Variants in EPB41L2 observed in about 807,000 individuals in gnomAD.
The protein encoded by EPB41L2 is erythrocyte membrane protein band 4.1 like 2.
In EPB41L2, 43 loss-of-function variants were observed where a neutral mutation model predicts 113.0. The ratio of observed to expected loss-of-function variants is 0.38; its 90% CI spans 0.30 to 0.49. The LOEUF (loss-of-function observed/expected upper bound fraction) is 0.49. EPB41L2 is among the 20% of genes least tolerant of loss of function. The pLI, the probability that EPB41L2 is intolerant of heterozygous loss-of-function variation, is 0.95. For synonymous variants in EPB41L2, 442 were observed against 436.7 expected (o/e 1.01, Z -0.15); for missense variants, 1,147 against 1,223.4 (o/e 0.94, Z 0.93).
chr6:130,954,044 T>TTTC (rs1562575303), intron 3 of EPB41L2, among the ~76,000 whole-genome samples: 3 of 19,412 alleles, frequency 1.5e-4, no homozygotes, highest in Non-Finnish European at 9.4e-5. Flanking sequence ...TTCTTTCTTT[T>TTTC]TTTTTTTTTT....
intron 1 of EPB41L2, among the ~76,000 whole-genome samples, 170 bp downstream of exon 1, chr6:131,062,984 GC>G (rs1339245029): frequency 6.6e-6 from 1 of 151,994 alleles, no homozygotes; most frequent in Non-Finnish European, 1.5e-5. Context: ...CCAAAGCCGG[GC>G]CCCCTCTCCC....
At chr6:131,045,370 A>ATATGAATATTT (rs1562792621) in intron 1 of EPB41L2, among the ~76,000 whole-genome samples, 3 of 151,814 alleles carry the variant, frequency 2.0e-5, no homozygotes, top group Non-Finnish European at 2.9e-5. Flanking sequence ...TATTCATTTA[A>ATATGAATATTT]AAATGATGAG....
At chr6:131,048,298 T>C (rs1398790277) in intron 1 of EPB41L2, among the ~76,000 whole-genome samples, 1 of 152,124 alleles carries the variant, frequency 6.6e-6, no homozygotes, top group Non-Finnish European at 1.5e-5. Flanking sequence ...TCAGATTTGG[T>C]TTAGAAATTG....
intron 19 of EPB41L2, among the ~76,000 whole-genome samples, chr6:130,841,789 T>A (rs778685746): frequency 4.6e-5 from 7 of 152,118 alleles, no homozygotes; most frequent in Non-Finnish European, 7.4e-5. Context: ...GGATATAGAT[T>A]TGGGCATCAG....
At chr6:130,888,509 G>A (rs2128476890) in intron 11 of EPB41L2, among the ~76,000 whole-genome samples, 1 of 151,902 alleles carries the variant, frequency 6.6e-6, no homozygotes, top group Non-Finnish European at 1.5e-5. Flanking sequence ...AGAAAATGCT[G>A]TTTTACTGCT....
chr6:131,002,307 A>C (rs1784523827), intron 1 of EPB41L2, among the ~76,000 whole-genome samples: 1 of 152,202 alleles, frequency 6.6e-6, no homozygotes, highest in Admixed American at 6.5e-5. Context: ...AGAACGTACA[A>C]GGCCCTCTGC....
At chr6:131,061,679 C>A (rs9483209) in intron 1 of EPB41L2, among the ~76,000 whole-genome samples, 1 of 152,074 alleles carries the variant, frequency 6.6e-6, no homozygotes, top group Admixed American at 6.5e-5. Context: ...CTAGCCCCTG[C>A]AGCATAGAAA....
intron 18 of EPB41L2, among the ~76,000 whole-genome samples, chr6:130,859,710 A>C (rs1464760880): frequency 6.6e-6 from 1 of 151,948 alleles, no homozygotes; most frequent in Non-Finnish European, 1.5e-5. Context: ...TACTAAACAG[A>C]AACCCTAAGC....
At chr6:131,061,832 G>A (rs924039689) in intron 1 of EPB41L2, among the ~76,000 whole-genome samples, 2 of 152,024 alleles carry the variant, frequency 1.3e-5, no homozygotes, top group East Asian at 1.9e-4. Context: ...TAGGGTGGGG[G>A]AGGAAATAAA....
intron 3 of EPB41L2, among the ~76,000 whole-genome samples, chr6:130,944,920 T>C (rs926944971): frequency 6.6e-6 from 1 of 152,180 alleles, no homozygotes; most frequent in Non-Finnish European, 1.5e-5. Flanking sequence ...AAATATTCTA[T>C]CACTTACATG....
chr6:130,982,001 G>T (rs1562655535), intron 1 of EPB41L2, among the ~76,000 whole-genome samples: 1 of 151,346 alleles, frequency 6.6e-6, no homozygotes, highest in Non-Finnish European at 1.5e-5. Flanking sequence ...GAATAATAGT[G>T]ATTTTAAAAG....
chr6:130,951,341 T>TTTTTG (rs1814991624), intron 3 of EPB41L2, among the ~76,000 whole-genome samples: 1 of 102,796 alleles, frequency 9.7e-6, no homozygotes, highest in Admixed American at 1.1e-4. Flanking sequence ...TTTTTTTTTT[T>TTTTTG]GAGACAAAAG....
At chr6:130,846,938 G>A (rs1387203216) in intron 19 of EPB41L2, among the ~76,000 whole-genome samples, 1 of 152,194 alleles carries the variant, frequency 6.6e-6, no homozygotes, top group African/African-American at 2.4e-5. Context: ...GTCCAGTTCA[G>A]TATCCCCATT....
chr6:131,006,306 C>T (rs13214846), intron 1 of EPB41L2, among the ~76,000 whole-genome samples: 19,765 of 151,400 alleles, frequency 0.13, 2,480 homozygotes, highest in African/African-American at 0.33. Flanking sequence ...ATCTGCCTGC[C>T]TCTGCCTCCC....
intron 19 of EPB41L2, among the ~76,000 whole-genome samples, chr6:130,845,670 C>T (rs186249467): frequency 4.8e-4 from 73 of 152,310 alleles, no homozygotes; most frequent in Middle Eastern, 3.4e-3. Context: ...CGTGAGCCAC[C>T]AGGCCTGGCC....
intron 3 of EPB41L2, among the ~76,000 whole-genome samples, chr6:130,941,225 C>T (rs1443969993): frequency 6.6e-6 from 1 of 152,114 alleles, no homozygotes; most frequent in African/African-American, 2.4e-5. Context: ...GACTAGCAAC[C>T]CTGTCATTAA....
chr6:130,937,513 T>TA (rs1407648242), intron 3 of EPB41L2, among the ~76,000 whole-genome samples: 1 of 151,712 alleles, frequency 6.6e-6, no homozygotes, highest in Non-Finnish European at 1.5e-5. Context: ...ATTATTCACT[T>TA]AAAATGCTTT....
At chr6:130,890,570 C>A in intron 10 of EPB41L2, 104 bp from the exon 11 acceptor site, 1 of 1,296,424 alleles carries the variant, frequency 7.7e-7, no homozygotes, top group South Asian at 1.6e-5. Context: ...TTTCATATCT[C>A]ATTTTAAGTA....
intron 12 of EPB41L2, among the ~76,000 whole-genome samples, chr6:130,884,762 T>C (rs1422602790): frequency 6.6e-6 from 1 of 152,224 alleles, no homozygotes; most frequent in Non-Finnish European, 1.5e-5. Context: ...ATCAAGAAGC[T>C]ACATTTTAAA....
Sources: allele counts gnomAD v4.1 joint callset (sites outside exome capture counted in the v4.1 genomes callset), GRCh38; gene constraint gnomAD v4.1.1; transcripts MANE v1.5; gene names NCBI Gene and HGNC (gene_info 2026-07-23, HGNC 2026-07-21).